Variants in TCF25 observed in about 807,000 individuals in gnomAD.
TCF25 encodes ribosome quality control complex subunit TCF25.
Under a neutral mutation model 83.1 loss-of-function variants are expected in TCF25, and 41 were observed. The observed-to-expected ratio is 0.49, with a 90% confidence interval of 0.38 to 0.64. The LOEUF (loss-of-function observed/expected upper bound fraction) is 0.64. Ranked by LOEUF, TCF25 falls within the 30% of genes least tolerant of loss-of-function variation. The pLI, the probability that TCF25 is intolerant of heterozygous loss-of-function variation, is 0.00. For synonymous variants in TCF25, 458 were observed against 365.0 expected, an observed-to-expected ratio of 1.25 and a Z score of -2.90; for missense variants, 979 against 914.5, an observed-to-expected ratio of 1.07 and a Z score of -0.91.
At chr16:89,877,634 C>CT (rs1291968661) in intron 1 of TCF25, among the ~76,000 whole-genome samples, 2 of 152,078 alleles carry the variant, frequency 1.3e-5, no homozygotes, top group African/African-American at 2.4e-5. Context: ...AAGGAAGAAA[C>CT]TAATCAAAGA....
Position 89,895,559 on chromosome 16 carries a change from G to A in TCF25, c.928+422G>A, listed in dbSNP as rs533052157. Among the ~76,000 whole-genome samples the A allele has an allele frequency of 2.6e-5, 4 of 152,346 alleles. No individual in the cohort carries two copies. In the South Asian group the frequency reaches 6.2e-4, roughly 24 times the overall value. ...CAAGGTTCATCCTCACTGTAGCGTC[G>A]ATCAGAACGTCGTTCGTTTTTATGG... is the stretch of plus-strand genomic sequence containing the variant. On this transcript the variant is annotated intron_variant, in intron 8 of 17. Coordinates refer to ENST00000263346, the MANE Select transcript of TCF25 (RefSeq NM_014972.3).
Sources: allele counts gnomAD v4.1 joint callset (sites outside exome capture counted in the v4.1 genomes callset), GRCh38; gene constraint gnomAD v4.1.1; transcripts MANE v1.5; gene names NCBI Gene and HGNC (gene_info 2026-07-23, HGNC 2026-07-21).